GLG1: variants seen among roughly 807,000 people sequenced by gnomAD.
GLG1 encodes the protein golgi glycoprotein 1, also known as Golgi apparatus protein 1.
In GLG1, 38 loss-of-function variants were observed where a neutral mutation model predicts 160.5. The observed-to-expected ratio is 0.24, with a 90% CI of 0.18 to 0.31. The LOEUF is 0.31. GLG1 is among the 10% of genes least tolerant of loss of function. The pLI, the probability that GLG1 is intolerant of heterozygous loss-of-function variation, is 1.00. For missense variants in GLG1, 1,373 were observed against 1,505.2 expected, an observed-to-expected ratio of 0.91 and a Z score of 1.45; for synonymous variants, 644 against 543.4, an observed-to-expected ratio of 1.19 and a Z score of -2.57.
At chr16:74,458,488 C>A (rs750322673) in intron 23 of GLG1, among the ~76,000 whole-genome samples, 1 of 151,910 alleles carries the variant, frequency 6.6e-6, no homozygotes, top group African/African-American at 2.4e-5. Context: ...GTGGGTAACA[C>A]AGCAAGACCC....
Position 74,451,105 on chromosome 16 carries a change from C to T in GLG1, c.*2062G>A, listed in dbSNP as rs1318938831. ...TAGGCACCTCCATGTACATGACATT[C>T]CTGGCTCTTGATATTAGGCCTCAGC... On this transcript the variant is annotated 3_prime_UTR_variant, in exon 26 of 26. Transcript: ENST00000422840. 1 of 152,292 alleles carries T rather than the reference C, an allele frequency of 6.6e-6. No individual in the cohort carries two copies. Among genetic ancestry groups the T allele is most frequent in the Non-Finnish European group, 1.5e-5 (1 of 68,104 alleles). The allele number at this position is 152,292 out of a possible 1,614,324, so 9.4% of individuals were successfully genotyped here.
At chr16:74,591,475 A>G (rs894993982) in intron 1 of GLG1, among the ~76,000 whole-genome samples, 17 of 151,858 alleles carry the variant, frequency 1.1e-4, no homozygotes, top group African/African-American at 4.1e-4. Flanking sequence ...AAAAATACAA[A>G]AAAATAGCTC....
At chr16:74,584,676 C>G (rs549904558) in intron 1 of GLG1, among the ~76,000 whole-genome samples, 1 of 151,826 alleles carries the variant, frequency 6.6e-6, no homozygotes. Flanking sequence ...CCCAGCACTT[C>G]GGGAGGCTGA....
intron 1 of GLG1, among the ~76,000 whole-genome samples, chr16:74,548,896 T>A (rs1238217137): frequency 6.6e-6 from 1 of 152,080 alleles, no homozygotes; most frequent in Non-Finnish European, 1.5e-5. Context: ...TTCAGGAGGC[T>A]GAGGCAGGAG....
Position 74,568,060 on chromosome 16 carries a change from A to G in GLG1, c.439-35907T>C, listed in dbSNP as rs75404653. ...TGGTTCAGGGACTCAGACAATGACA[A>G]ACAATACAACATTTGCAATAATGCT... On this transcript the variant is annotated intron_variant, in intron 1 of 25. Coordinates refer to ENST00000422840, the MANE Select transcript of GLG1 (RefSeq NM_001145667.2). Among the ~76,000 whole-genome samples the G allele has an allele frequency of 6.4e-4, 98 of 152,334 alleles. 1 individual carries two copies. In the East Asian group the frequency reaches 0.016, roughly 25 times the overall value.
At chr16:74,577,284 G>A (rs1432518461) in intron 1 of GLG1, among the ~76,000 whole-genome samples, 1 of 150,512 alleles carries the variant, frequency 6.6e-6, no homozygotes, top group Non-Finnish European at 1.5e-5. Flanking sequence ...CACTTTGGGA[G>A]GCCACGGCGG....
Position 74,457,892 on chromosome 16 carries a change from T to C in GLG1, c.3247A>G (p.Thr1083Ala), listed in dbSNP as rs2014622973. ...LDIKHHCAAI[T>A]PGRGRQMSCL... ...GACTTACGACGCCCGCGGCCAGGGGTGATGGCTGCGCAGTGGTGTTTAATG... is the reference window on the plus strand; with the variant it reads ...GACTTACGACGCCCGCGGCCAGGGGCGATGGCTGCGCAGTGGTGTTTAATG... The change falls in exon 24 of 26, where the codon ACC becomes GCC. Residue 1083 changes from threonine to alanine, a missense_variant. By Grantham distance (58) the Thr-to-Ala change is moderately conservative. This residue lies in a region of GLG1 where 491 missense variants were observed against 632.1 expected (regional missense o/e 0.78). Coordinates refer to ENST00000422840, the MANE Select transcript of GLG1 (RefSeq NM_001145667.2). The C allele has an allele frequency of 6.2e-7, 1 of 1,613,112 alleles. No homozygotes were observed. Among genetic ancestry groups the C allele is most frequent in the Non-Finnish European group, 8.5e-7 (1 of 1,179,648 alleles).
rs560483135 is a variant in GLG1, at chr16:74,592,155, T to C, written c.438+14502A>G. On this transcript the variant is annotated intron_variant, in intron 1 of 25. Coordinates refer to ENST00000422840, the MANE Select transcript of GLG1 (RefSeq NM_001145667.2). ...TGTAATTTATTCACTGATTGATTGA[T>C]TGATTGAGATGGAGTCTTGCTCTGT... 1.1e-4 allele frequency among the ~76,000 whole-genome samples: 16 copies of C among 152,194 alleles called. 2 individuals carry two copies. The highest frequency in any genetic ancestry group is 8.3e-4 in the South Asian group (4 of 4,816).
intron 3 of GLG1, among the ~76,000 whole-genome samples, chr16:74,505,597 G>A (rs1361689940): frequency 6.6e-6 from 1 of 152,216 alleles, no homozygotes; most frequent in Non-Finnish European, 1.5e-5. Flanking sequence ...GCTCATGCCT[G>A]TAATCCTAGC....
chr16:74,581,216 C>G (rs568922333), intron 1 of GLG1, among the ~76,000 whole-genome samples: 7 of 152,032 alleles, frequency 4.6e-5, no homozygotes, highest in Non-Finnish European at 1.0e-4. Context: ...GCATTATTCA[C>G]AAAAGCCAAA....
intron 3 of GLG1, 141 bp from the exon 4 acceptor site, chr16:74,503,887 A>G: frequency 1.6e-6 from 1 of 627,144 alleles, no homozygotes; most frequent in South Asian, 2.0e-5. Context: ...ATGCTTAGAA[A>G]TATATCCAAG....
intron 1 of GLG1, among the ~76,000 whole-genome samples, chr16:74,550,918 T>C (rs974725392): frequency 4.6e-5 from 7 of 152,176 alleles, no homozygotes; most frequent in Non-Finnish European, 8.8e-5. Flanking sequence ...CGAGCCACCA[T>C]TCCAAATTTT....
Position 74,480,270 on chromosome 16 carries a change from C to A in GLG1, c.1798G>T (p.Ala600Ser). The A allele has an allele frequency of 6.2e-7, 1 of 1,612,080 alleles. No individual in the cohort carries two copies. The highest frequency in any genetic ancestry group is 8.5e-7 in the Non-Finnish European group (1 of 1,178,148). ...CTTCCCTGTTCCTCAGTGCGGTAGG[C>A]GTGTCTGTATAAACAAGAGAACACA... is the stretch of plus-strand genomic sequence containing the variant. Reference protein sequence around the residue: ...GAVFSCLYRHAYRTEEQGRRL... With the variant: ...GAVFSCLYRHSYRTEEQGRRL... Residue 600 changes from alanine to serine, a missense_variant, in exon 11 of 26, where the codon GCC becomes TCC. Around this residue, in one of 4 missense-constraint regions of GLG1, gnomAD observed 386 missense variants for 388.5 expected, o/e 0.99. Transcript: ENST00000422840.
chr16:74,571,206 T>C (rs1173278672), intron 1 of GLG1, among the ~76,000 whole-genome samples: 1 of 152,014 alleles, frequency 6.6e-6, no homozygotes, highest in Non-Finnish European at 1.5e-5. Context: ...ACCAGACATG[T>C]AAGTGAGGCC....
At chr16:74,506,398 G>A (rs2016603852) in intron 3 of GLG1, among the ~76,000 whole-genome samples, 1 of 150,784 alleles carries the variant, frequency 6.6e-6, no homozygotes, top group Non-Finnish European at 1.5e-5. Flanking sequence ...CTAACACAGT[G>A]AAACCCCATC....
At chr16:74,564,612 T>C (rs1263770672) in intron 1 of GLG1, among the ~76,000 whole-genome samples, 2 of 152,168 alleles carry the variant, frequency 1.3e-5, no homozygotes, top group Non-Finnish European at 2.9e-5. Flanking sequence ...AAAAGGATGG[T>C]AACTGAGTAG....
At chr16:74,461,839 T>C in intron 22 of GLG1, 1 of 341,070 alleles carries the variant, frequency 2.9e-6, no homozygotes, top group Non-Finnish European at 5.3e-6. Flanking sequence ...GAAGAACAAA[T>C]TTACAGAGAG....
chr16:74,556,656 C>T (rs117517270), intron 1 of GLG1, among the ~76,000 whole-genome samples: 571 of 151,538 alleles, frequency 3.8e-3, no homozygotes, highest in Non-Finnish European at 6.3e-3. Context: ...TGCATTCCAA[C>T]CTGGGTGGCA....
chr16:74,527,046 G>A (rs2017357221), intron 2 of GLG1, among the ~76,000 whole-genome samples: 1 of 152,064 alleles, frequency 6.6e-6, no homozygotes, highest in Admixed American at 6.6e-5. Context: ...AAACAAATCT[G>A]TATCCTGATT....
Sources: allele counts gnomAD v4.1 joint callset (sites outside exome capture counted in the v4.1 genomes callset), GRCh38; gene constraint gnomAD v4.1.1; regional missense constraint gnomAD v4.1.1; transcripts MANE v1.5; gene names NCBI Gene and HGNC (gene_info 2026-07-23, HGNC 2026-07-21).